DPYD: variants seen among roughly 807,000 people sequenced by gnomAD.
DPYD encodes the protein dihydropyrimidine dehydrogenase [NADP(+)].
DPYD carries 109 observed loss-of-function variants against 116.2 expected under a neutral mutation model. The ratio of observed to expected loss-of-function variants is 0.94; its 90% CI spans 0.80 to 1.10. The LOEUF (loss-of-function observed/expected upper bound fraction) is 1.10. Ranked by LOEUF, DPYD falls within the 50% of genes least tolerant of loss-of-function variation. The pLI, the probability that DPYD is intolerant of heterozygous loss-of-function variation, is 0.00. For synonymous variants in DPYD, 440 were observed against 432.0 expected, an observed-to-expected ratio of 1.02 and a Z score of -0.23; for missense variants, 1,302 against 1,254.5, an observed-to-expected ratio of 1.04 and a Z score of -0.57.
At chr1:97,345,589 G>A (rs79512458) in intron 16 of DPYD, among the ~76,000 whole-genome samples, 8,309 of 151,910 alleles carry the variant, frequency 0.055, 265 homozygotes, top group Middle Eastern at 0.12. Context: ...GTCGGGATGC[G>A]AGAAAATGCT....
chr1:97,640,684 G>T (rs1358740612), intron 8 of DPYD, among the ~76,000 whole-genome samples: 1 of 152,130 alleles, frequency 6.6e-6, no homozygotes, highest in Non-Finnish European at 1.5e-5. Context: ...TAACAGGCTT[G>T]AGGGCTTTCC....
chr1:97,777,612 T>C (rs1045019568), intron 3 of DPYD, among the ~76,000 whole-genome samples: 1 of 152,180 alleles, frequency 6.6e-6, no homozygotes, highest in African/African-American at 2.4e-5. Context: ...TTTTATTTTT[T>C]CAGCCAAACA....
chr1:97,841,197 T>C (rs761469801), intron 2 of DPYD, among the ~76,000 whole-genome samples: 12 of 152,058 alleles, frequency 7.9e-5, no homozygotes, highest in Non-Finnish European at 4.4e-5. Flanking sequence ...AGAGAGTTGA[T>C]TATGTAGATT....
At chr1:97,381,515 G>A (rs375809717) in intron 15 of DPYD, among the ~76,000 whole-genome samples, 2 of 152,088 alleles carry the variant, frequency 1.3e-5, no homozygotes, top group South Asian at 4.2e-4. Flanking sequence ...GGAAGATCAC[G>A]AGGCCAATTA....
chr1:97,448,232 C>T (rs1676198297), intron 14 of DPYD, among the ~76,000 whole-genome samples: 2 of 152,058 alleles, frequency 1.3e-5, no homozygotes, highest in South Asian at 4.2e-4. Context: ...AAATGTAATA[C>T]TGAATATTTA....
chr1:97,522,436 A>T (rs1299562824), intron 12 of DPYD, among the ~76,000 whole-genome samples: 1 of 152,142 alleles, frequency 6.6e-6, no homozygotes, highest in African/African-American at 2.4e-5. Context: ...AAAAATATGC[A>T]TGTATGTCGG....
intron 19 of DPYD, among the ~76,000 whole-genome samples, chr1:97,218,905 G>A (rs985483994): frequency 6.6e-6 from 1 of 151,984 alleles, no homozygotes; most frequent in African/African-American, 2.4e-5. Context: ...AGATTTTAAA[G>A]TTTGGTTTGT....
Position 97,750,482 on chromosome 1 carries a change from T to C in DPYD, c.234-10003A>G, listed in dbSNP as rs1664810732. Among the ~76,000 whole-genome samples, 3 of 152,340 alleles carry C rather than the reference T, an allele frequency of 2.0e-5. No individual in the cohort carries two copies. In the South Asian group the frequency reaches 6.2e-4, roughly 32 times the overall value. Reference sequence around the variant, plus strand: ...GATTTTACTTTTCACAATGCTATATTGTTTGCGTTTTTTGCAATAAGTAAG... The same window carrying C: ...GATTTTACTTTTCACAATGCTATATCGTTTGCGTTTTTTGCAATAAGTAAG... On this transcript the variant is annotated intron_variant, in intron 3 of 22. Coordinates refer to ENST00000370192, the MANE Select transcript of DPYD (RefSeq NM_000110.4).
At chr1:97,305,089 T>A (rs1667078018) in intron 18 of DPYD, among the ~76,000 whole-genome samples, 170 bp downstream of exon 18, 1 of 151,976 alleles carries the variant, frequency 6.6e-6, no homozygotes, top group Non-Finnish European at 1.5e-5. Flanking sequence ...TCCTGTGCTG[T>A]CACTTGAGCT....
chr1:97,776,054 T>C (rs1666390159), intron 3 of DPYD, among the ~76,000 whole-genome samples: 1 of 152,130 alleles, frequency 6.6e-6, no homozygotes, highest in African/African-American at 2.4e-5. Flanking sequence ...TGGGGATGGT[T>C]AATGGTTACA....
Position 97,450,212 on chromosome 1 carries a change from T to C in DPYD, c.1752A>G (p.Thr584=), listed in dbSNP as rs1676335342. ...KTFSLDKDIV[T]NVSPRIIRGT... is the part of the protein sequence containing the mutation. ...CCCGGATGATTCTGGGGGAAACATT[T>C]GTCACAATGTCCTGATGAAAGAGTA... The change falls in exon 14 of 23, where the codon ACA becomes ACG. Residue 584 remains threonine (T), a synonymous_variant. Coordinates refer to ENST00000370192, the MANE Select transcript of DPYD (RefSeq NM_000110.4). The C allele has an allele frequency of 4.3e-6, 7 of 1,613,622 alleles. No individual in the cohort carries two copies. The East Asian group carries it at 1.6e-4, about 36-fold the overall frequency.
At chr1:97,275,303 C>T (rs771364713) in intron 18 of DPYD, among the ~76,000 whole-genome samples, 1 of 152,188 alleles carries the variant, frequency 6.6e-6, no homozygotes, top group African/African-American at 2.4e-5. Context: ...CTGATCCTTC[C>T]AGTAAGAAGT....
chr1:97,263,993 TTTTTC>T (rs1213574523), intron 18 of DPYD, among the ~76,000 whole-genome samples: 1 of 152,000 alleles, frequency 6.6e-6, no homozygotes, highest in African/African-American at 2.4e-5. Context: ...GATATTATCT[TTTTTC>T]TTTTATCTAT....
chr1:97,854,595 A>G (rs1389010390), intron 2 of DPYD, among the ~76,000 whole-genome samples: 1 of 152,170 alleles, frequency 6.6e-6, no homozygotes, highest in Non-Finnish European at 1.5e-5. Flanking sequence ...CACATTCAGG[A>G]AGAGTTTAAA....
chr1:97,382,557 A>G (rs1557672613), intron 14 of DPYD, 96 bp from the exon 15 acceptor site: 2 of 657,690 alleles, frequency 3.0e-6, no homozygotes, highest in Non-Finnish European at 4.7e-6. Flanking sequence ...ATGGTAAACT[A>G]TATTATAAAA....
At chr1:97,161,348 C>T (rs1308201285) in intron 20 of DPYD, among the ~76,000 whole-genome samples, 1 of 152,002 alleles carries the variant, frequency 6.6e-6, no homozygotes, top group African/African-American at 2.4e-5. Context: ...CAATGCAACC[C>T]ATCATTCTAC....
At chr1:97,163,443 AAACT>A (rs983662298) in intron 20 of DPYD, among the ~76,000 whole-genome samples, 1 of 152,214 alleles carries the variant, frequency 6.6e-6, no homozygotes, top group Non-Finnish European at 1.5e-5. Context: ...ACAATATCAG[AAACT>A]AATAGGATGA....
intron 20 of DPYD, among the ~76,000 whole-genome samples, chr1:97,176,577 C>T (rs1330312802): frequency 1.3e-5 from 2 of 152,110 alleles, no homozygotes; most frequent in South Asian, 2.1e-4. Flanking sequence ...TAATGTATGC[C>T]AAAGTGCTTT....
At chr1:97,254,787 A>G (rs958196006) in intron 18 of DPYD, among the ~76,000 whole-genome samples, 1 of 152,198 alleles carries the variant, frequency 6.6e-6, no homozygotes, top group African/African-American at 2.4e-5. Flanking sequence ...TACATGTCAT[A>G]AGCCATTTAT....
Sources: gnomAD v4.1 joint callset for allele counts (sites outside exome capture counted in the v4.1 genomes callset) on GRCh38, gnomAD v4.1.1 for gene constraint, MANE v1.5 for transcripts, NCBI Gene and HGNC (gene_info 2026-07-23, HGNC 2026-07-21) for gene names.